Variants in CAMK2D observed in about 807,000 individuals in gnomAD.
CAMK2D encodes the protein calcium/calmodulin-dependent protein kinase type II subunit delta.
In CAMK2D, 37 loss-of-function variants were observed where a neutral mutation model predicts 84.0. The ratio of observed to expected loss-of-function variants is 0.44; its 90% CI spans 0.34 to 0.58. CAMK2D has a LOEUF of 0.58. Among genes scored for constraint, CAMK2D ranks in the 20% least tolerant of loss-of-function variants. CAMK2D has a pLI of 0.02. For missense variants in CAMK2D, 448 were observed against 652.5 expected, an observed-to-expected ratio of 0.69 and a Z score of 3.41; for synonymous variants, 202 against 212.5, an observed-to-expected ratio of 0.95 and a Z score of 0.43.
chr4:113,493,131 A>T (rs1198116550), intron 16 of CAMK2D, among the ~76,000 whole-genome samples: 1 of 148,522 alleles, frequency 6.7e-6, no homozygotes, highest in Non-Finnish European at 1.5e-5. Flanking sequence ...TGGAGCATTT[A>T]GTCCATTTAC....
intron 4 of CAMK2D, among the ~76,000 whole-genome samples, chr4:113,562,977 G>T (rs1234796533): frequency 1.3e-5 from 2 of 152,018 alleles, no homozygotes; most frequent in African/African-American, 4.8e-5. Context: ...ATGCATTCTG[G>T]CCGGGCACAG....
At chr4:113,742,737 T>C (rs995826107) in intron 2 of CAMK2D, among the ~76,000 whole-genome samples, 4 of 152,148 alleles carry the variant, frequency 2.6e-5, no homozygotes, top group Non-Finnish European at 5.9e-5. Flanking sequence ...ACCAGAGACA[T>C]ATAGATAGGA....
chr4:113,466,940 G>A (rs886427078), intron 16 of CAMK2D, among the ~76,000 whole-genome samples: 2 of 152,210 alleles, frequency 1.3e-5, no homozygotes, highest in East Asian at 1.9e-4. Flanking sequence ...AAAGCTTCCC[G>A]AGGGCAAAGA....
chr4:113,729,150 G>A (rs899634976), intron 2 of CAMK2D, among the ~76,000 whole-genome samples: 7 of 152,088 alleles, frequency 4.6e-5, no homozygotes, highest in African/African-American at 1.7e-4. Context: ...CATCATCATC[G>A]TCTCTTTCCT....
At position 113,661,786 on chromosome 4, in the gene CAMK2D, A is replaced by G; in HGVS notation, c.161-14T>C. On this transcript the variant is annotated splice_polypyrimidine_tract_variant and intron_variant, in intron 2 of 20. Coordinates refer to ENST00000511664, the MANE Select transcript of CAMK2D (RefSeq NM_001321571.2). ...GTTTCTGATGATCTGTTAAAAAAAA[A>G]AACAGAATAAGGCAAAAATAAAGCA... is the stretch of plus-strand genomic sequence containing the variant. The G allele has an allele frequency of 2.1e-6, 3 of 1,436,768 alleles. No individual in the cohort carries two copies. Among genetic ancestry groups the G allele is most frequent in the Non-Finnish European group, 2.8e-6 (3 of 1,058,784 alleles). 89.0% of individuals were successfully genotyped at this position (1,436,768 alleles called of 1,614,324 possible).
rs1392544454 is a variant in CAMK2D, at chr4:113,509,631, A to AACTT, written c.984+3_984+6dup. The AACTT allele has an allele frequency of 2.5e-6, 4 of 1,587,912 alleles. No homozygotes were observed. The highest frequency in any genetic ancestry group is 1.3e-5 in the African/African-American group (1 of 74,408). On this transcript the variant is annotated splice_region_variant and intron_variant, in intron 13 of 20. Coordinates refer to ENST00000511664, the MANE Select transcript of CAMK2D (RefSeq NM_001321571.2). Reference sequence around the variant, plus strand: ...AGAAATGGATTAGGGGCATCTGTTTAACTTACCTTTACTCCATCTGGTTTC... The same window carrying AACTT: ...AGAAATGGATTAGGGGCATCTGTTTAACTTACTTACCTTTACTCCATCTGGTTTC...
chr4:113,465,526 C>T lies in CAMK2D; in HGVS notation c.1211+3G>A, dbSNP rs372959284. On this transcript the variant is annotated splice_donor_region_variant and intron_variant, in intron 17 of 20. Transcript: ENST00000511664. ...GAAAGCAAAGTAAACGTCCGCTACT[C>T]ACGTGTAGGCTTCAAAGTCCCCATT... 1 of 1,585,136 alleles carries T rather than the reference C, an allele frequency of 6.3e-7. No homozygotes were observed. Among genetic ancestry groups the T allele is most frequent in the East Asian group, 2.2e-5 (1 of 44,698 alleles).
chr4:113,614,477 T>C (rs916899915), intron 3 of CAMK2D, among the ~76,000 whole-genome samples: 3 of 152,122 alleles, frequency 2.0e-5, no homozygotes, highest in South Asian at 2.1e-4. Context: ...GTTTTCTACA[T>C]TGGAGCTGTA....
intron 4 of CAMK2D, among the ~76,000 whole-genome samples, chr4:113,583,598 CT>C (rs768684061): frequency 2.0e-5 from 3 of 152,130 alleles, no homozygotes; most frequent in African/African-American, 4.8e-5. Flanking sequence ...CAACATATCT[CT>C]AGTAATGCTG....
chr4:113,496,295 G>T (rs182619750), intron 16 of CAMK2D, among the ~76,000 whole-genome samples: 6 of 152,270 alleles, frequency 3.9e-5, no homozygotes, highest in Non-Finnish European at 7.3e-5. Flanking sequence ...AAATGGAAAT[G>T]ACTATTTCAA....
intron 16 of CAMK2D, among the ~76,000 whole-genome samples, chr4:113,484,984 T>G (rs999496347): frequency 3.3e-5 from 5 of 152,280 alleles, no homozygotes; most frequent in South Asian, 4.1e-4. Context: ...GATATAATAT[T>G]GGAGTAATGT....
chr4:113,694,980 C>G (rs1303985538), intron 2 of CAMK2D, among the ~76,000 whole-genome samples: 3 of 152,100 alleles, frequency 2.0e-5, no homozygotes, highest in Non-Finnish European at 4.4e-5. Flanking sequence ...AAAATAAATA[C>G]TGCTAATAAA....
chr4:113,683,633 A>G (rs2099351884), intron 2 of CAMK2D, among the ~76,000 whole-genome samples: 1 of 152,190 alleles, frequency 6.6e-6, no homozygotes, highest in South Asian at 2.1e-4. Flanking sequence ...GAAAAAGATG[A>G]AGTAAATTTC....
rs573015176 is a variant in CAMK2D, at chr4:113,707,048, A to G, written c.161-45276T>C. Among the ~76,000 whole-genome samples, 13 of 152,330 alleles carry G rather than the reference A, an allele frequency of 8.5e-5. No individual in the cohort carries two copies. In the East Asian group the frequency reaches 2.5e-3, roughly 29 times the overall value. On this transcript the variant is annotated intron_variant, in intron 2 of 20. Transcript: ENST00000511664. ...AAAGGCTGGCCACGTGCGAGAATTG[A>G]AATGTAGCAGAAAAAACACACCTTG...
chr4:113,489,950 G>T (rs1232538783), intron 16 of CAMK2D, among the ~76,000 whole-genome samples: 1 of 150,884 alleles, frequency 6.6e-6, no homozygotes, highest in African/African-American at 2.4e-5. Flanking sequence ...CTTTTGAGAA[G>T]TGTCTGTTCA....
chr4:113,604,466 A>G (rs2098969213), intron 4 of CAMK2D, among the ~76,000 whole-genome samples: 1 of 152,112 alleles, frequency 6.6e-6, no homozygotes, highest in Admixed American at 6.5e-5. Context: ...TGTTTAGTTT[A>G]TTAATCTCAT....
intron 16 of CAMK2D, among the ~76,000 whole-genome samples, chr4:113,469,098 G>C (rs2097514925): frequency 6.6e-6 from 1 of 152,090 alleles, no homozygotes; most frequent in African/African-American, 2.4e-5. Flanking sequence ...TATATTTTTG[G>C]CTCTTGTTCT....
intron 4 of CAMK2D, among the ~76,000 whole-genome samples, chr4:113,573,158 T>C (rs2098762781): frequency 6.6e-6 from 1 of 152,184 alleles, no homozygotes; most frequent in Non-Finnish European, 1.5e-5. Context: ...TGTTTATCTA[T>C]GTAACAAACC....
intron 13 of CAMK2D, among the ~76,000 whole-genome samples, chr4:113,507,403 C>T (rs1363079903): frequency 1.3e-5 from 2 of 151,234 alleles, no homozygotes; most frequent in African/African-American, 2.4e-5. Flanking sequence ...GGTACGGCCA[C>T]CACACTTGGC....
Sources: allele counts gnomAD v4.1 joint callset (sites outside exome capture counted in the v4.1 genomes callset), GRCh38; gene constraint gnomAD v4.1.1; transcripts MANE v1.5; gene names NCBI Gene and HGNC (gene_info 2026-07-23, HGNC 2026-07-21).